SCP2: variants seen among roughly 807,000 people sequenced by gnomAD.
SCP2 encodes the protein sterol carrier protein 2.
SCP2 carries 48 observed loss-of-function variants against 71.4 expected under a neutral mutation model. The ratio of observed to expected loss-of-function variants is 0.67; its 90% CI spans 0.53 to 0.86. The LOEUF (loss-of-function observed/expected upper bound fraction) is 0.86. Among genes scored for constraint, SCP2 ranks in the 40% least tolerant of loss-of-function variants. The pLI is 0.00. For synonymous variants in SCP2, 220 were observed against 218.1 expected (o/e 1.01, Z -0.08); for missense variants, 560 against 655.6 (o/e 0.85, Z 1.59).
chr1:52,971,964 G>A (rs1657539877), intron 6 of SCP2, among the ~76,000 whole-genome samples: 1 of 152,180 alleles, frequency 6.6e-6, no homozygotes, highest in South Asian at 2.1e-4. Context: ...AGTTTCTATG[G>A]TTAGCCTCAG....
In SCP2 at chr1:52,987,970, C is replaced by T. The variant is rs1659145138; in HGVS notation, c.974-59C>T. The T allele has an allele frequency of 1.0e-5, 9 of 891,762 alleles. No homozygotes were observed. In the Admixed American group the frequency reaches 1.6e-4, roughly 16 times the overall value. The allele number at this position is 891,762 out of a possible 1,614,324, so 55.2% of individuals were successfully genotyped here. On this transcript the variant is annotated intron_variant, in intron 10 of 15. Coordinates refer to ENST00000371514, the MANE Select transcript of SCP2 (RefSeq NM_002979.5). ...TGGCTATATGGAAATCTTATAAAAG[C>T]ATATCATTTGTTCTATTGTTACTAT... is the stretch of plus-strand genomic sequence containing the variant.
chr1:52,974,972 T>C (rs1415017133), intron 7 of SCP2, 140 bp downstream of exon 7: 1 of 643,694 alleles, frequency 1.6e-6, no homozygotes, highest in Admixed American at 2.6e-5. Flanking sequence ...AAAAGGCTTA[T>C]ACGCAAGTAA....
intron 11 of SCP2, among the ~76,000 whole-genome samples, chr1:53,000,713 T>C (rs577503861): frequency 3.4e-4 from 52 of 152,252 alleles, no homozygotes; most frequent in African/African-American, 1.2e-3. Context: ...TCCCAGCATT[T>C]TGGGAGGCTG....
chr1:53,005,017 C>T (rs539601042), intron 11 of SCP2, among the ~76,000 whole-genome samples: 8 of 152,300 alleles, frequency 5.3e-5, no homozygotes, highest in East Asian at 3.9e-4. Context: ...CATGGAGCCT[C>T]GCTTGCTGCT....
At chr1:52,968,999 G>A (rs1445720391) in intron 6 of SCP2, among the ~76,000 whole-genome samples, 3 of 151,806 alleles carry the variant, frequency 2.0e-5, no homozygotes, top group Non-Finnish European at 2.9e-5. Flanking sequence ...TAAGTGGAAG[G>A]TGATCATCTT....
At chr1:52,995,465 G>A (rs1176638363) in intron 11 of SCP2, 5 of 429,004 alleles carry the variant, frequency 1.2e-5, no homozygotes, top group Admixed American at 2.8e-5. Context: ...GCTGACCTCC[G>A]CAAGTTGGCA....
At chr1:53,043,046 C>G (rs1663544277) in intron 14 of SCP2, among the ~76,000 whole-genome samples, 1 of 152,250 alleles carries the variant, frequency 6.6e-6, no homozygotes, top group Non-Finnish European at 1.5e-5. Context: ...ACCTTGAGTT[C>G]TCAACTCTGT....
At chr1:52,939,828 A>T (rs571660129) in intron 1 of SCP2, among the ~76,000 whole-genome samples, 1 of 151,976 alleles carries the variant, frequency 6.6e-6, no homozygotes, top group Admixed American at 6.6e-5. Context: ...GGCCACCATG[A>T]CCAGCTCATT....
At chr1:52,943,138 G>GA (rs897376375) in intron 2 of SCP2, among the ~76,000 whole-genome samples, 20 of 151,160 alleles carry the variant, frequency 1.3e-4, no homozygotes, top group African/African-American at 4.4e-4. Flanking sequence ...TGACTCCATG[G>GA]AAAAAAAATC....
rs1327261136 is a variant in SCP2, at chr1:52,984,132, C to T, written c.973+3589C>T. On this transcript the variant is annotated intron_variant, in intron 10 of 15. Transcript: ENST00000371514. ...CACTATAGACTTCTTCCCTTACTCT[C>T]CAGCCTGCAGAGATTTCTTTTCCTA... Among the ~76,000 whole-genome samples, 3 of 152,304 alleles carry T rather than the reference C, an allele frequency of 2.0e-5. No individual in the cohort carries two copies. In the East Asian group the frequency reaches 5.8e-4, roughly 29 times the overall value.
At chr1:53,024,608 T>G in intron 12 of SCP2, among the ~76,000 whole-genome samples, 1 of 151,252 alleles carries the variant, frequency 6.6e-6, no homozygotes, top group Non-Finnish European at 1.5e-5. Flanking sequence ...TCTTGCTCTG[T>G]TGCCCAGGCT....
chr1:53,046,516 G>A (rs148426007), intron 14 of SCP2, among the ~76,000 whole-genome samples: 3 of 151,856 alleles, frequency 2.0e-5, no homozygotes, highest in African/African-American at 7.2e-5. Context: ...ATATTGGATC[G>A]TCTAACCTTT....
intron 6 of SCP2, among the ~76,000 whole-genome samples, chr1:52,964,448 A>C (rs1211899063): frequency 1.3e-5 from 2 of 151,526 alleles, no homozygotes; most frequent in Non-Finnish European, 2.9e-5. Flanking sequence ...GATCCGCCCA[A>C]CTCAGCCTCC....
intron 4 of SCP2, 79 bp downstream of exon 4, chr1:52,950,965 T>C: frequency 6.8e-7 from 1 of 1,471,800 alleles, no homozygotes; most frequent in East Asian, 2.3e-5. Context: ...AGGAATTATT[T>C]TATAATGTAT....
intron 11 of SCP2, among the ~76,000 whole-genome samples, chr1:53,005,969 C>T (rs1572175910): frequency 6.6e-6 from 1 of 152,182 alleles, no homozygotes; most frequent in East Asian, 1.9e-4. Context: ...GGCACAAGAA[C>T]TATGTGACAC....
rs77282887 is a variant in SCP2, at chr1:53,037,888, A to G, written c.1339-1029A>G. Among the ~76,000 whole-genome samples, 100 of 93,288 alleles carry G rather than the reference A, an allele frequency of 1.1e-3. 1 individual carries two copies. Among genetic ancestry groups the G allele is most frequent in the African/African-American group, 6.3e-3 (84 of 13,388 alleles). The allele number at this position is 93,288 out of a possible 152,430, so 61.2% of individuals were successfully genotyped here. A position where few individuals can be genotyped will look rare whatever the true frequency, so the allele number is the denominator to read the frequency against. ...AGATCCTGTCTCTACATACACACACACACACACACACACACACACACACAC... is the reference window on the plus strand; with the variant it reads ...AGATCCTGTCTCTACATACACACACGCACACACACACACACACACACACAC... On this transcript the variant is annotated intron_variant, in intron 13 of 15. Transcript: ENST00000371514.
intron 11 of SCP2, among the ~76,000 whole-genome samples, chr1:53,005,587 CAGAA>C (rs1660582307): frequency 6.6e-6 from 1 of 152,182 alleles, no homozygotes; most frequent in African/African-American, 2.4e-5. Flanking sequence ...AATTAACAAA[CAGAA>C]AGGACATTCA....
chr1:53,000,134 T>C (rs1660218906), intron 11 of SCP2, among the ~76,000 whole-genome samples: 1 of 151,764 alleles, frequency 6.6e-6, no homozygotes, highest in Non-Finnish European at 1.5e-5. Flanking sequence ...TGAATAAATG[T>C]TGGACATGGT....
At position 52,968,815 on chromosome 1, in the gene SCP2, C is replaced by T. The variant is rs190636257; in HGVS notation, c.524-5954C>T. ...TTCATGTATAACTTTTGATTCCCCC[C>T]GAATTTAACTAATAGCCTGCTCTTG... On this transcript the variant is annotated intron_variant, in intron 6 of 15. Transcript: ENST00000371514. Among the ~76,000 whole-genome samples the T allele has an allele frequency of 3.1e-3, 467 of 152,132 alleles. 1 individual carries two copies. Among genetic ancestry groups the T allele is most frequent in the African/African-American group, 0.011 (440 of 41,492 alleles).
Sources: allele counts gnomAD v4.1 joint callset (sites outside exome capture counted in the v4.1 genomes callset), GRCh38; gene constraint gnomAD v4.1.1; transcripts MANE v1.5; gene names NCBI Gene and HGNC (gene_info 2026-07-23, HGNC 2026-07-21).